The following EBP variants were observed in gnomAD, a reference collection of about 807,000 sequenced individuals.
The protein encoded by EBP is 3-beta-hydroxysteroid-Delta(8),Delta(7)-isomerase.
Under a neutral mutation model 14.1 loss-of-function variants are expected in EBP, and 1 was observed. The observed-to-expected ratio is 0.07, with a 90% confidence interval of 0.03 to 0.34. EBP has a LOEUF of 0.34. EBP is among the 10% of genes least tolerant of loss of function. The pLI, the probability that EBP is intolerant of heterozygous loss-of-function variation, is 0.99. For missense variants in EBP, 123 were observed against 184.6 expected, an observed-to-expected ratio of 0.67 and a Z score of 1.93; for synonymous variants, 72 against 77.7, an observed-to-expected ratio of 0.93 and a Z score of 0.38.
At chrX:48,525,691 G>C (rs1028274025) in intron 2 of EBP, among the ~76,000 whole-genome samples, 2 of 109,376 alleles carry the variant, frequency 1.8e-5, no homozygotes, top group Non-Finnish European at 3.8e-5. Context: ...TTTTTTTAAT[G>C]AGGTCACTCC....
Position 48,528,278 on chromosome X carries a change from G to A in EBP, c.514G>A (p.Asp172Asn), listed in dbSNP as rs1049389. 3.3e-6 allele frequency: 4 copies of A among 1,209,936 alleles called. No individual in the cohort carries two copies. Among genetic ancestry groups the A allele is most frequent in the Non-Finnish European group, 4.5e-6 (4 of 895,271 alleles). Reference protein sequence around the residue: ...DVLYFLTEHRDGFQHGELGHP... With the variant: ...DVLYFLTEHRNGFQHGELGHP... The stretch of plus-strand genomic sequence containing the variant: ...GCTCTACTTCCTGACAGAGCACCGC[G>A]ACGGATTCCAGCACGGAGAGCTGGG... Residue 172 changes from aspartate to asparagine, a missense_variant, in exon 5 of 5, where the codon GAC becomes AAC. By Grantham distance (23) the Asp-to-Asn change is conservative. Transcript: ENST00000495186.
Position 48,528,517 on chromosome X carries a change from T to C in EBP, c.*60T>C. The C allele has an allele frequency of 9.9e-7, 1 of 1,006,332 alleles. No individual in the cohort carries two copies. Among genetic ancestry groups the C allele is most frequent in the Non-Finnish European group, 1.4e-6 (1 of 735,047 alleles). 82.9% of individuals were successfully genotyped at this position (1,006,332 alleles called of 1,213,427 possible). A position where few individuals can be genotyped will look rare whatever the true frequency, so the allele number is the denominator to read the frequency against. On this transcript the variant is annotated 3_prime_UTR_variant, in exon 5 of 5. Transcript: ENST00000495186. ...AGGAGCTCTCTGCCTGCCAGAAGAGTCTAGTCCTGCTCCCACAGTTTGGAG... is the reference window on the plus strand; with the variant it reads ...AGGAGCTCTCTGCCTGCCAGAAGAGCCTAGTCCTGCTCCCACAGTTTGGAG...
chrX:48,523,428 C>T (rs2061769323), intron 1 of EBP, among the ~76,000 whole-genome samples: 1 of 109,703 alleles, frequency 9.1e-6, no homozygotes, highest in South Asian at 3.9e-4. Context: ...GTGGCAGGCA[C>T]CTGTAGTCCC....
chrX:48,522,529 T>C (rs1338140598), intron 1 of EBP, among the ~76,000 whole-genome samples: 1 of 111,581 alleles, frequency 9.0e-6, no homozygotes, highest in Non-Finnish European at 1.9e-5. Flanking sequence ...TCAGGTGTTG[T>C]TCCCATGTGC....
At chrX:48,523,589 G>T in intron 1 of EBP, 110 bp from the exon 2 acceptor site, 2 of 442,258 alleles carry the variant, frequency 4.5e-6, no homozygotes, top group Admixed American at 4.1e-5. Flanking sequence ...AATTAGAAGT[G>T]TTACAATCCT....
intron 4 of EBP, chrX:48,527,540 G>A: frequency 2.4e-6 from 1 of 424,822 alleles, no homozygotes; most frequent in Non-Finnish European, 4.0e-6. Flanking sequence ...TACATGAGGT[G>A]GCCCAGGGTG....
intron 1 of EBP, chrX:48,522,373 GCCTGGTTCC>G (rs1325438355): frequency 1.8e-5 from 2 of 112,115 alleles, no homozygotes; most frequent in Non-Finnish European, 3.8e-5. Context: ...ACTGGACCAC[GCCTGGTTCC>G]TGTGTCTCTT....
Position 48,528,388 on chromosome X carries a change from G to A in EBP, c.624G>A (p.Val208=), listed in dbSNP as rs782546040. Residue 208 remains valine (V), a synonymous_variant, in exon 5 of 5, where the codon GTG becomes GTA. Transcript: ENST00000495186. ...VLPGVLVLDA[V]KHLTHAQSTL... is the part of the protein sequence containing the mutation. ...CTGGAGTCCTTGTGCTTGATGCTGT[G>A]AAGCACCTCACTCATGCCCAGAGCA... 13 of 1,187,394 alleles carry A rather than the reference G, an allele frequency of 1.1e-5. No homozygotes were observed. In the South Asian group the frequency reaches 2.2e-4, roughly 20 times the overall value.
rs371430396 is a variant in EBP, at chrX:48,524,104, A to T, written c.301+32A>T. The stretch of plus-strand genomic sequence containing the variant: ...CCTGATTTCTTTCATATGCTGTGGG[A>T]TGGGATTTGCTGGGCAGGGATCGGC... On this transcript the variant is annotated intron_variant, in intron 2 of 4. Transcript: ENST00000495186. 2,025 of 1,183,873 alleles carry T rather than the reference A, an allele frequency of 1.7e-3. 1 individual carries two copies. The highest frequency in any genetic ancestry group is 3.8e-3 in the Middle Eastern group (16 of 4,234).
chrX:48,528,520 A>T lies in EBP; in HGVS notation c.*63A>T. On this transcript the variant is annotated 3_prime_UTR_variant, in exon 5 of 5. Transcript: ENST00000495186. ...AGCTCTCTGCCTGCCAGAAGAGTCTAGTCCTGCTCCCACAGTTTGGAGGGA... is the reference window on the plus strand; with the variant it reads ...AGCTCTCTGCCTGCCAGAAGAGTCTTGTCCTGCTCCCACAGTTTGGAGGGA... 1.0e-6 allele frequency: 1 copy of T among 1,002,089 alleles called. No individual in the cohort carries two copies. The highest frequency in any genetic ancestry group is 1.4e-6 in the Non-Finnish European group (1 of 730,240). 82.6% of individuals were successfully genotyped at this position (1,002,089 alleles called of 1,213,427 possible). A position where few individuals can be genotyped will look rare whatever the true frequency, so the allele number is the denominator to read the frequency against.
At chrX:48,525,193 A>G (rs1198120885) in intron 2 of EBP, among the ~76,000 whole-genome samples, 1 of 112,436 alleles carries the variant, frequency 8.9e-6, no homozygotes, top group Non-Finnish European at 1.9e-5. Flanking sequence ...GATAATAGTA[A>G]TAACCAACTA....
intron 1 of EBP, among the ~76,000 whole-genome samples, chrX:48,522,861 CG>C (rs1440169892): frequency 9.0e-6 from 1 of 110,544 alleles, no homozygotes; most frequent in Non-Finnish European, 1.9e-5. Context: ...TTAGTAGAGA[CG>C]GGGTTTTGCC....
At position 48,527,159 on chromosome X, in the gene EBP, G is replaced by C; in HGVS notation, c.343G>C (p.Asp115His). The C allele has an allele frequency of 1.7e-6, 2 of 1,211,908 alleles. No homozygotes were observed. Among genetic ancestry groups the C allele is most frequent in the Non-Finnish European group, 2.2e-6 (2 of 895,579 alleles). Residue 115 changes from aspartate (D) to histidine (H), a missense_variant, in exon 4 of 5, where the codon GAC becomes CAC. Coordinates refer to ENST00000495186, the MANE Select transcript of EBP (RefSeq NM_006579.3). ...CCCTCATGCTTTCTCCTGCAGGGGT[G>C]ACAACTTCACAGTGTGCATGGAAAC... ...AKGDSRYILG[D>H]NFTVCMETIT... is the part of the protein sequence containing the mutation.
Position 48,527,212 on chromosome X carries a change from C to T in EBP, c.396C>T (p.Leu132=). 8.3e-7 allele frequency: 1 copy of T among 1,211,885 alleles called. No homozygotes were observed. Among genetic ancestry groups the T allele is most frequent in the Non-Finnish European group, 1.1e-6 (1 of 895,536 alleles). ...TCACAGCTTGCCTGTGGGGACCACT[C>T]AGCCTGTGGGTGGTGATCGCCTTTC... The part of the protein sequence containing the change: ...ETITACLWGP[L]SLWVVIAFLR... Residue 132 remains leucine (L), a synonymous_variant, in exon 4 of 5, where the codon CTC becomes CTT. Transcript: ENST00000495186.
chrX:48,527,094 A>G, intron 3 of EBP, 61 bp from the exon 4 acceptor site: 2 of 1,211,641 alleles, frequency 1.7e-6, no homozygotes, highest in Non-Finnish European at 2.2e-6. Flanking sequence ...GGGAGCACTA[A>G]TGGGCTAACC....
rs1556977608 is a variant in EBP, at chrX:48,527,301, T to A, written c.469+16T>A. 1 of 1,210,631 alleles carries A rather than the reference T, an allele frequency of 8.3e-7. No individual in the cohort carries two copies. On this transcript the variant is annotated intron_variant, in intron 4 of 4. Transcript: ENST00000495186. The stretch of plus-strand genomic sequence containing the variant: ...GTCTCTGTGGGTAAGGAAAGGGCAC[T>A]AGAGGGGCACTGGGCACTAGAGGGG...
chrX:48,524,937 C>T (rs1223221977), intron 2 of EBP: 36 of 111,631 alleles, frequency 3.2e-4, no homozygotes, highest in African/African-American at 1.2e-3. Context: ...TCAAGCAATC[C>T]TTCCACCTCA....
chrX:48,523,620 G>A, intron 1 of EBP, 79 bp from the exon 2 acceptor site: 1 of 571,288 alleles, frequency 1.8e-6, no homozygotes, highest in Admixed American at 3.6e-5. Context: ...TGGTAAATTC[G>A]GTCCATTTAC....
At chrX:48,522,565 G>T (rs1371617237) in intron 1 of EBP, among the ~76,000 whole-genome samples, 2 of 112,290 alleles carry the variant, frequency 1.8e-5, no homozygotes, top group Non-Finnish European at 3.8e-5. Context: ...GACCCCCGAG[G>T]GCTGAGACCG....
Sources: allele counts gnomAD v4.1 joint callset (sites outside exome capture counted in the v4.1 genomes callset), GRCh38; gene constraint gnomAD v4.1.1; transcripts MANE v1.5; gene names NCBI Gene and HGNC (gene_info 2026-07-23, HGNC 2026-07-21).